Variants in ARRB1 observed in about 807,000 individuals in gnomAD.
ARRB1 encodes beta-arrestin-1.
A neutral mutation model predicts 56.8 loss-of-function variants in ARRB1; 21 were observed. The ratio of observed to expected loss-of-function variants is 0.37; its 90% CI spans 0.26 to 0.53. ARRB1 has a LOEUF of 0.53. ARRB1 is among the 20% of genes least tolerant of loss of function. The pLI is 0.88. For synonymous variants in ARRB1, 210 were observed against 218.6 expected (o/e 0.96, Z 0.35); for missense variants, 424 against 553.7 (o/e 0.77, Z 2.35).
intron 1 of ARRB1, among the ~76,000 whole-genome samples, chr11:75,349,547 G>A (rs1250719275): frequency 1.3e-5 from 2 of 152,230 alleles, no homozygotes; most frequent in African/African-American, 4.8e-5. Flanking sequence ...CCAAGTCACA[G>A]AGAGGTACAG....
chr11:75,268,789 G>T (rs903835094), intron 14 of ARRB1, 100 bp downstream of exon 14: 4 of 1,310,378 alleles, frequency 3.1e-6, no homozygotes, highest in Non-Finnish European at 3.2e-6. Context: ...CCGAGAAAAG[G>T]GTGACTGGGC....
At chr11:75,266,772 T>A (rs1379238070) in intron 15 of ARRB1, among the ~76,000 whole-genome samples, 1 of 152,180 alleles carries the variant, frequency 6.6e-6, no homozygotes, top group East Asian at 1.9e-4. Context: ...TTTGGCTTAA[T>A]GAAAGAGAAG....
intron 1 of ARRB1, among the ~76,000 whole-genome samples, chr11:75,322,001 C>T (rs1947355194): frequency 6.6e-6 from 1 of 152,196 alleles, no homozygotes; most frequent in South Asian, 2.1e-4. Context: ...GCAGGTAACA[C>T]AGCAGCCCTG....
chr11:75,351,483 G>C, intron 1 of ARRB1, 105 bp downstream of exon 1: 1 of 1,462,376 alleles, frequency 6.8e-7, no homozygotes, highest in Non-Finnish European at 9.1e-7. Context: ...ACTAGATCCC[G>C]CGGTGGCCGC....
chr11:75,288,945 C>T (rs1354012267), intron 2 of ARRB1, among the ~76,000 whole-genome samples: 1 of 152,168 alleles, frequency 6.6e-6, no homozygotes, highest in Non-Finnish European at 1.5e-5. Context: ...TTAATGGTTC[C>T]TCAGTGTCCA....
intron 1 of ARRB1, among the ~76,000 whole-genome samples, chr11:75,318,418 G>C (rs902051193): frequency 1.2e-4 from 19 of 152,084 alleles, no homozygotes; most frequent in African/African-American, 4.3e-4. Flanking sequence ...GGCTGGGCAC[G>C]GTGGCTCATG....
intron 1 of ARRB1, among the ~76,000 whole-genome samples, chr11:75,344,729 G>A (rs918120024): frequency 1.3e-5 from 2 of 152,174 alleles, no homozygotes; most frequent in Admixed American, 6.5e-5. Context: ...TCTAATCCCA[G>A]GGCTCATGTG....
intron 1 of ARRB1, among the ~76,000 whole-genome samples, chr11:75,331,288 G>A (rs1947515068): frequency 6.6e-6 from 1 of 152,170 alleles, no homozygotes; most frequent in South Asian, 2.1e-4. Flanking sequence ...TGGGATTACA[G>A]GGGTGACCCA....
At chr11:75,300,847 A>C (rs2140461453) in intron 1 of ARRB1, among the ~76,000 whole-genome samples, 1 of 150,932 alleles carries the variant, frequency 6.6e-6, no homozygotes, top group Non-Finnish European at 1.5e-5. Flanking sequence ...GGGCGCCTGT[A>C]GTCCCAGCTG....
chr11:75,290,353 G>A (rs1001439554), intron 1 of ARRB1, among the ~76,000 whole-genome samples: 1 of 152,120 alleles, frequency 6.6e-6, no homozygotes. Flanking sequence ...ATGCTGTAAG[G>A]TCTGTGTGAT....
intron 1 of ARRB1, among the ~76,000 whole-genome samples, chr11:75,304,203 G>T (rs974555510): frequency 1.3e-5 from 2 of 152,104 alleles, no homozygotes; most frequent in Non-Finnish European, 2.9e-5. Context: ...TAAGGATATA[G>T]AATAACATAT....
chr11:75,349,291 G>A (rs1947813549), intron 1 of ARRB1, among the ~76,000 whole-genome samples: 1 of 152,190 alleles, frequency 6.6e-6, no homozygotes, highest in Non-Finnish European at 1.5e-5. Context: ...AAGTCAGTAA[G>A]TACAAGGGAA....
chr11:75,290,430 C>T (rs765759372), intron 1 of ARRB1, among the ~76,000 whole-genome samples: 1 of 152,182 alleles, frequency 6.6e-6, no homozygotes, highest in African/African-American at 2.4e-5. Context: ...CATCTACCCC[C>T]GGCTGGTCCT....
Position 75,271,726 on chromosome 11 carries a change from T to A in ARRB1, c.999-2A>T. ...CTGGATGCAAGATCTCCCAACAGGCTGGGTGGGTCAGAGGAGGCAGGAGAA... is the reference window on the plus strand; with the variant it reads ...CTGGATGCAAGATCTCCCAACAGGCAGGGTGGGTCAGAGGAGGCAGGAGAA... On this transcript the variant is annotated splice_acceptor_variant, in intron 12 of 15. Transcript: ENST00000420843. LOFTEE classifies it high-confidence loss of function. 1 of 1,573,152 alleles carries A rather than the reference T, an allele frequency of 6.4e-7. No homozygotes were observed. The highest frequency in any genetic ancestry group is 8.6e-7 in the Non-Finnish European group (1 of 1,158,810).
At position 75,266,190 on chromosome 11, in the gene ARRB1, G is replaced by A. The variant is rs147602750; in HGVS notation, c.1230C>T (p.Thr410=). Residue 410 remains threonine, a synonymous_variant, in exon 16 of 16, where the codon ACC becomes ACT. Coordinates refer to ENST00000420843, the MANE Select transcript of ARRB1 (RefSeq NM_004041.5). ...KDDKEEEEDG[T]GSPQLNNR is the part of the protein sequence containing the mutation. ...ATCTGTTGTTGAGCTGTGGAGAGCC[G>A]GTACCATCCTCCTCTTCCTCCTTGT... 536 of 1,614,180 alleles carry A rather than the reference G, an allele frequency of 3.3e-4. 3 individuals carry two copies. In the African/African-American group the frequency reaches 5.7e-3, roughly 17 times the overall value.
chr11:75,302,764 T>C (rs1052479715), intron 1 of ARRB1, among the ~76,000 whole-genome samples: 1 of 152,118 alleles, frequency 6.6e-6, no homozygotes, highest in Non-Finnish European at 1.5e-5. Context: ...GAAGCTGACA[T>C]TGTGCTATGA....
chr11:75,280,978 C>T, intron 7 of ARRB1, 97 bp downstream of exon 7: 1 of 1,399,200 alleles, frequency 7.1e-7, no homozygotes, highest in Non-Finnish European at 9.9e-7. Flanking sequence ...CCTCCTCACA[C>T]ACTTCCAGGT....
intron 1 of ARRB1, among the ~76,000 whole-genome samples, chr11:75,330,163 C>T (rs643523): frequency 0.64 from 96,750 of 152,142 alleles, 32,250 homozygotes; most frequent in African/African-American, 0.85. Context: ...ACAGCTGCCA[C>T]GTGAACCTTC....
intron 1 of ARRB1, among the ~76,000 whole-genome samples, chr11:75,338,228 G>A (rs954546390): frequency 7.9e-5 from 12 of 152,120 alleles, no homozygotes; most frequent in African/African-American, 2.9e-4. Flanking sequence ...CTTAGGCTGG[G>A]AAGAATGACC....
Sources: allele counts gnomAD v4.1 joint callset (sites outside exome capture counted in the v4.1 genomes callset), GRCh38; gene constraint gnomAD v4.1.1; transcripts MANE v1.5; gene names NCBI Gene and HGNC (gene_info 2026-07-23, HGNC 2026-07-21).